Variants in TCF20 observed in about 807,000 individuals in gnomAD.
The protein encoded by TCF20 is transcription factor 20.
Under a neutral mutation model 148.6 loss-of-function variants are expected in TCF20, and 3 were observed. The ratio of observed to expected loss-of-function variants is 0.02; its 90% CI spans 0.01 to 0.05. The LOEUF (loss-of-function observed/expected upper bound fraction) is 0.05. Ranked by LOEUF, TCF20 falls within the 10% of genes least tolerant of loss-of-function variation. TCF20 has a pLI of 1.00. For synonymous variants in TCF20, 1,049 were observed against 909.5 expected (o/e 1.15, Z -2.76); for missense variants, 2,350 against 2,429.3 (o/e 0.97, Z 0.69).
chr22:42,169,901 A>G lies in TCF20; in HGVS notation c.5750-5T>C. 1.2e-6 allele frequency: 2 copies of G among 1,613,300 alleles called. No homozygotes were observed. Among genetic ancestry groups the G allele is most frequent in the Non-Finnish European group, 1.7e-6 (2 of 1,179,938 alleles). On this transcript the variant is annotated splice_region_variant and splice_polypyrimidine_tract_variant and intron_variant, in intron 3 of 5. Transcript: ENST00000677622. ...TCTCCTCATGTAGCAAACAATCTGG[A>G]AGACAGAAGGGGACAGTCAGATGGA...
chr22:42,313,597 CTTTTTTTTT>C, intron 1 of TCF20, among the ~76,000 whole-genome samples: 1 of 120,298 alleles, frequency 8.3e-6, no homozygotes, highest in African/African-American at 3.3e-5. Context: ...AGAATTCTTT[CTTTTTTTTT>C]TTTTTTTTTT....
chr22:42,166,420 C>T (rs1405429167), intron 5 of TCF20, among the ~76,000 whole-genome samples: 1 of 152,142 alleles, frequency 6.6e-6, no homozygotes, highest in African/African-American at 2.4e-5. Flanking sequence ...CCAGCCTGGG[C>T]AACATGGTGA....
intron 2 of TCF20, among the ~76,000 whole-genome samples, chr22:42,199,244 T>C (rs889517511): frequency 4.6e-5 from 7 of 152,186 alleles, no homozygotes; most frequent in Admixed American, 3.9e-4. Context: ...CCAGCACAGA[T>C]GGTGCCAGCA....
chr22:42,254,702 A>G (rs1348116366), intron 1 of TCF20, among the ~76,000 whole-genome samples: 1 of 152,150 alleles, frequency 6.6e-6, no homozygotes, highest in Non-Finnish European at 1.5e-5. Flanking sequence ...TAAAAATCCA[A>G]AAGGAGCTGG....
At chr22:42,289,237 A>C (rs1282269985) in intron 1 of TCF20, among the ~76,000 whole-genome samples, 2 of 152,154 alleles carry the variant, frequency 1.3e-5, no homozygotes, top group Non-Finnish European at 2.9e-5. Flanking sequence ...ACTTCAGGGA[A>C]GTGAGGTATT....
chr22:42,173,375 C>G (rs1936251275), intron 3 of TCF20, among the ~76,000 whole-genome samples: 1 of 151,976 alleles, frequency 6.6e-6, no homozygotes, highest in African/African-American at 2.4e-5. Flanking sequence ...GGGTCAACAT[C>G]AGGTGGGGGG....
At chr22:42,173,416 A>T (rs1936255028) in intron 3 of TCF20, among the ~76,000 whole-genome samples, 1 of 152,124 alleles carries the variant, frequency 6.6e-6, no homozygotes, top group African/African-American at 2.4e-5. Flanking sequence ...ATCATGAAAC[A>T]AAGATTCTGT....
rs367854983 is a variant in TCF20 at position 42,210,401 on chromosome 22, G to A, written c.4905C>T (p.Ile1635=). 6.2e-7 allele frequency: 1 copy of A among 1,614,226 alleles called. No individual in the cohort carries two copies. Among genetic ancestry groups the A allele is most frequent in the Non-Finnish European group, 8.5e-7 (1 of 1,180,046 alleles). The change falls in exon 2 of 6, where the codon ATC becomes ATT. Residue 1635 remains isoleucine, a synonymous_variant. Transcript: ENST00000677622. The surrounding 1 kb of genome is among the most constrained non-coding windows in gnomAD (Gnocchi z 4.7). The stretch of plus-strand genomic sequence containing the variant: ...CAAGTTCACACTTATTTACTACATG[G>A]ATGTAAGGGTAAAAAGACTTGTTCT... ...DAKNKSFYPY[I]HVVNKCELGA...
chr22:42,256,731 C>T (rs1025056641), intron 1 of TCF20, among the ~76,000 whole-genome samples: 10 of 152,162 alleles, frequency 6.6e-5, no homozygotes, highest in African/African-American at 2.4e-4. Context: ...TAGTAATGTA[C>T]AGGTACTGGT....
chr22:42,194,094 G>A (rs1937476552), intron 2 of TCF20, among the ~76,000 whole-genome samples: 2 of 152,320 alleles, frequency 1.3e-5, no homozygotes, highest in South Asian at 4.1e-4. Context: ...GTTTGCTGGT[G>A]GTTTCAGAGC....
At chr22:42,235,141 CAA>C (rs34834610) in intron 1 of TCF20, among the ~76,000 whole-genome samples, 33 of 109,194 alleles carry the variant, frequency 3.0e-4, no homozygotes, top group Non-Finnish European at 2.4e-4. Context: ...GACTCTGTCT[CAA>C]AAAAAAAAAA....
chr22:42,180,486 A>G (rs1936717347), intron 2 of TCF20, among the ~76,000 whole-genome samples: 1 of 152,186 alleles, frequency 6.6e-6, no homozygotes, highest in Non-Finnish European at 1.5e-5. Flanking sequence ...TATCAGCAAC[A>G]AACACATTCA....
Position 42,297,596 on chromosome 22 carries a change from C to T in TCF20, c.-37+45883G>A, listed in dbSNP as rs1927259096. 6.6e-6 allele frequency among the ~76,000 whole-genome samples: 1 copy of T among 152,202 alleles called. No homozygotes were observed. Among genetic ancestry groups the T allele is most frequent in the South Asian group, 2.1e-4 (1 of 4,830 alleles). On this transcript the variant is annotated intron_variant, in intron 1 of 1. Transcript: ENST00000515426. This position sits in a 1 kb window ranked among gnomAD's most constrained non-coding sequence, Gnocchi z 4.3. ...GGGTCAGCCATGAAAGCCCATGATC[C>T]CTGAGCCTCGAGCTCAGCCCCCAGG...
intron 2 of TCF20, among the ~76,000 whole-genome samples, chr22:42,198,740 C>T (rs562841638): frequency 2.0e-5 from 3 of 151,022 alleles, no homozygotes; most frequent in Admixed American, 6.6e-5. Flanking sequence ...TGGCTCACTG[C>T]AAGCTCCGCC....
At chr22:42,231,272 C>T (rs551851893) in intron 1 of TCF20, among the ~76,000 whole-genome samples, 2 of 152,182 alleles carry the variant, frequency 1.3e-5, no homozygotes, top group East Asian at 1.9e-4. Context: ...TGCTTGATGC[C>T]AGGAGTTTGA....
chr22:42,203,699 A>G (rs897937557), intron 2 of TCF20, among the ~76,000 whole-genome samples: 2 of 152,218 alleles, frequency 1.3e-5, no homozygotes, highest in Non-Finnish European at 2.9e-5. Flanking sequence ...AGAGTGAGAA[A>G]TGAAGATGGG....
At chr22:42,289,478 T>A (rs532827941) in intron 1 of TCF20, among the ~76,000 whole-genome samples, 64 of 152,326 alleles carry the variant, frequency 4.2e-4, no homozygotes, top group African/African-American at 1.4e-3. Context: ...GCTCACAGCC[T>A]GTTTTCTCCT....
chr22:42,295,338 G>A (rs1927213536), intron 1 of TCF20, among the ~76,000 whole-genome samples: 1 of 152,082 alleles, frequency 6.6e-6, no homozygotes, highest in African/African-American at 2.4e-5. Context: ...CCCCACCGCT[G>A]GGCTGCCTTC....
chr22:42,241,286 T>C (rs1489473828), intron 1 of TCF20, among the ~76,000 whole-genome samples: 2 of 152,140 alleles, frequency 1.3e-5, no homozygotes, highest in African/African-American at 4.8e-5. Context: ...CACAAACATA[T>C]GAACAAAGTA....
Sources: allele counts gnomAD v4.1 joint callset (sites outside exome capture counted in the v4.1 genomes callset), GRCh38; gene constraint gnomAD v4.1.1; non-coding constraint Gnocchi (gnomAD v3.1); transcripts MANE v1.5; gene names NCBI Gene and HGNC (gene_info 2026-07-23, HGNC 2026-07-21).